The following DMXL1 variants were observed in gnomAD, a reference collection of about 807,000 sequenced individuals.
DMXL1 encodes Dmx like 1.
A neutral mutation model predicts 319.2 loss-of-function variants in DMXL1; 99 were observed. The ratio of observed to expected loss-of-function variants is 0.31; its 90% confidence interval spans 0.26 to 0.37. DMXL1 has a LOEUF of 0.37. Ranked by LOEUF, DMXL1 falls within the 10% of genes least tolerant of loss-of-function variation. DMXL1 has a pLI of 1.00. For missense variants in DMXL1, 3,745 were observed against 3,595.6 expected, an observed-to-expected ratio of 1.04 and a Z score of -1.06; for synonymous variants, 1,385 against 1,235.2, an observed-to-expected ratio of 1.12 and a Z score of -2.54.
chr5:119,089,828 G>T (rs1350748464), intron 1 of DMXL1, among the ~76,000 whole-genome samples: 1 of 149,798 alleles, frequency 6.7e-6, no homozygotes, highest in African/African-American at 2.5e-5. Context: ...GTTTCTCCAG[G>T]TTGGTCAGGC....
intron 38 of DMXL1, among the ~76,000 whole-genome samples, chr5:119,228,903 A>T (rs1786117949): frequency 6.6e-6 from 1 of 152,144 alleles, no homozygotes; most frequent in African/African-American, 2.4e-5. Flanking sequence ...GTAGGAAAAA[A>T]ACCTTAGATA....
chr5:119,170,805 C>G lies in DMXL1; in HGVS notation c.6014C>G (p.Thr2005Arg), dbSNP rs1233548398. 1 of 1,611,476 alleles carries G rather than the reference C, an allele frequency of 6.2e-7. No homozygotes were observed. Among genetic ancestry groups the G allele is most frequent in the African/African-American group, 1.3e-5 (1 of 74,102 alleles). Residue 2005 changes from threonine to arginine, a missense_variant, in exon 24 of 44, where the codon ACA (threonine) becomes AGA (arginine). Around this residue, in one of 4 missense-constraint regions of DMXL1, gnomAD observed 1,382 missense variants for 1,269.5 expected, o/e 1.09. Transcript: ENST00000539542. The stretch of plus-strand genomic sequence containing the variant: ...TTGGATGACATAAGTTCTAACTACA[C>G]AGAATCTTTCAGCACACTAGATGAA... ...KKLDDISSNYTESFSTLDEND... is the reference protein window; with the variant it reads ...KKLDDISSNYRESFSTLDEND...
At chr5:119,140,557 A>G (rs1767074559) in intron 13 of DMXL1, among the ~76,000 whole-genome samples, 1 of 152,192 alleles carries the variant, frequency 6.6e-6, no homozygotes. Flanking sequence ...AGACTGAACC[A>G]GGAAGAAATT....
At chr5:119,173,774 G>GTGTGTA (rs1775171027) in intron 25 of DMXL1, among the ~76,000 whole-genome samples, 1 of 33,662 alleles carries the variant, frequency 3.0e-5, no homozygotes, top group African/African-American at 1.4e-4. Context: ...ATATGTGTGT[G>GTGTGTA]TGTATATATA....
At chr5:119,140,289 A>C (rs984556758) in intron 13 of DMXL1, among the ~76,000 whole-genome samples, 11 of 152,194 alleles carry the variant, frequency 7.2e-5, no homozygotes, top group African/African-American at 2.2e-4. Flanking sequence ...AACTGAAGGA[A>C]ATCGAAACAC....
At chr5:119,088,954 T>C (rs1753973511) in intron 1 of DMXL1, among the ~76,000 whole-genome samples, 1 of 152,112 alleles carries the variant, frequency 6.6e-6, no homozygotes, top group Non-Finnish European at 1.5e-5. Context: ...GTGACTTAAT[T>C]TTTCCAGTGA....
At chr5:119,153,130 C>T (rs1770210063) in intron 19 of DMXL1, among the ~76,000 whole-genome samples, 1 of 152,078 alleles carries the variant, frequency 6.6e-6, no homozygotes, top group Non-Finnish European at 1.5e-5. Context: ...GCGCACACCA[C>T]CACGCCTGGC....
Position 119,244,589 on chromosome 5 carries a change from G to A in DMXL1, c.8922+13G>A, listed in dbSNP as rs1452898458. 1.3e-6 allele frequency: 2 copies of A among 1,594,080 alleles called. No individual in the cohort carries two copies. The highest frequency in any genetic ancestry group is 3.3e-5 in the Admixed American group (2 of 59,876). ...AGGCAATATAAAGGTAAACACAGTT[G>A]ATGCCACAACATCTACAAAATGAAA... On this transcript the variant is annotated intron_variant, in intron 43 of 43. Transcript: ENST00000539542.
chr5:119,115,370 T>C (rs1760611247), intron 6 of DMXL1, among the ~76,000 whole-genome samples: 2 of 152,222 alleles, frequency 1.3e-5, no homozygotes, highest in African/African-American at 4.8e-5. Context: ...GTGTGTATAC[T>C]TTATTACCTG....
chr5:119,103,741 C>G (rs1000416920), intron 3 of DMXL1, among the ~76,000 whole-genome samples: 1 of 151,920 alleles, frequency 6.6e-6, no homozygotes, highest in African/African-American at 2.4e-5. Context: ...GGCGATTACC[C>G]CACCCAGCCC....
At chr5:119,190,221 A>G (rs531711552) in intron 29 of DMXL1, among the ~76,000 whole-genome samples, 18 of 152,334 alleles carry the variant, frequency 1.2e-4, no homozygotes, top group Non-Finnish European at 2.5e-4. Flanking sequence ...TGCTCTGGTC[A>G]TCTATTATCC....
intron 31 of DMXL1, among the ~76,000 whole-genome samples, chr5:119,196,923 A>G (rs1224880401): frequency 6.6e-6 from 1 of 152,230 alleles, no homozygotes. Context: ...ATAAGACACT[A>G]TCATAATGAT....
rs774716372 is a variant in DMXL1 at position 119,144,518 on chromosome 5, A to T, written c.2467-18A>T. 2.6e-6 allele frequency: 4 copies of T among 1,545,292 alleles called. No homozygotes were observed. The East Asian group carries it at 9.2e-5, about 35-fold the overall frequency. On this transcript the variant is annotated intron_variant, in intron 14 of 43. Coordinates refer to ENST00000539542, the MANE Select transcript of DMXL1 (RefSeq NM_001290321.3). Reference sequence around the variant, plus strand: ...ATAACACATAGGTCAACTTACGTTGATATTTATTTATATTCAGCATGGCAG... The same window carrying T: ...ATAACACATAGGTCAACTTACGTTGTTATTTATTTATATTCAGCATGGCAG...
At chr5:119,073,358 A>G (rs1298952414) in intron 1 of DMXL1, among the ~76,000 whole-genome samples, 1 of 152,154 alleles carries the variant, frequency 6.6e-6, no homozygotes, top group Non-Finnish European at 1.5e-5. Flanking sequence ...CACCATGCCC[A>G]GCCCTAAGAA....
chr5:119,219,996 A>G (rs1409914380), intron 35 of DMXL1, among the ~76,000 whole-genome samples: 1 of 112,802 alleles, frequency 8.9e-6, no homozygotes, highest in Non-Finnish European at 1.7e-5. Context: ...TTTTTCTGTG[A>G]CCCTTTCCCA....
At position 119,071,452 on chromosome 5, in the gene DMXL1, G is replaced by A. The variant is rs1175688621; in HGVS notation, c.-118G>A. The stretch of plus-strand genomic sequence containing the variant: ...GCTCCGGCTCCAGGCGCCTGTCGCT[G>A]CTTCTGCCGTCGCCACCGAAGAGCG... On this transcript the variant is annotated 5_prime_UTR_variant, in exon 1 of 44. Coordinates refer to ENST00000539542, the MANE Select transcript of DMXL1 (RefSeq NM_001290321.3). 9.8e-7 allele frequency: 1 copy of A among 1,021,258 alleles called. No homozygotes were observed. Among genetic ancestry groups the A allele is most frequent in the African/African-American group, 1.6e-5 (1 of 61,160 alleles). The allele number at this position is 1,021,258 out of a possible 1,614,324, so 63.3% of individuals were successfully genotyped here.
intron 30 of DMXL1, among the ~76,000 whole-genome samples, chr5:119,195,093 AT>A (rs768840743): frequency 1.3e-5 from 2 of 152,114 alleles, no homozygotes; most frequent in Non-Finnish European, 2.9e-5. Flanking sequence ...AACAAAAAAA[AT>A]AACAGTGCTG....
chr5:119,200,148 T>C (rs1466944685), intron 32 of DMXL1, among the ~76,000 whole-genome samples: 3 of 152,198 alleles, frequency 2.0e-5, no homozygotes, highest in African/African-American at 7.2e-5. Flanking sequence ...AATCTTTGCC[T>C]GTTCCTGTGT....
In DMXL1 at chr5:119,149,951, C is replaced by T. The variant is rs1042657541; in HGVS notation, c.4124C>T (p.Thr1375Ile). 6.2e-7 allele frequency: 1 copy of T among 1,613,878 alleles called. No homozygotes were observed. The highest frequency in any genetic ancestry group is 1.6e-4 in the Middle Eastern group (1 of 6,062). The change falls in exon 18 of 44, where the codon ACA (threonine) becomes ATA (isoleucine). Residue 1375 changes from threonine (T) to isoleucine (I), a missense_variant. Around this residue, in one of 4 missense-constraint regions of DMXL1, gnomAD observed 2,096 missense variants for 1,985.4 expected, o/e 1.06. Coordinates refer to ENST00000539542, the MANE Select transcript of DMXL1 (RefSeq NM_001290321.3). The stretch of plus-strand genomic sequence containing the variant: ...CATGAACGCCGCCTTAGGTCTCTCA[C>T]AATCAGTGCTAGTGGAAGCACTACC... ...SNHERRLRSLTISASGSTTRD... is the reference protein window; with the variant it reads ...SNHERRLRSLIISASGSTTRD...
Sources: allele counts gnomAD v4.1 joint callset (sites outside exome capture counted in the v4.1 genomes callset), GRCh38; gene constraint gnomAD v4.1.1; regional missense constraint gnomAD v4.1.1; transcripts MANE v1.5; gene names NCBI Gene and HGNC (gene_info 2026-07-23, HGNC 2026-07-21).